The following ITPR2 variants were observed in gnomAD, a reference collection of about 807,000 sequenced individuals.
ITPR2 encodes the protein inositol 1,4,5-trisphosphate-gated calcium channel ITPR2.
Under a neutral mutation model 317.1 loss-of-function variants are expected in ITPR2, and 207 were observed. The observed-to-expected ratio is 0.65, with a 90% CI of 0.58 to 0.73. The LOEUF (loss-of-function observed/expected upper bound fraction) is 0.73, where lower values mean the gene tolerates loss of function less well. ITPR2 is among the 30% of genes least tolerant of loss of function. The pLI, the probability that ITPR2 is intolerant of heterozygous loss-of-function variation, is 0.00. For missense variants in ITPR2, 2,613 were observed against 3,284.0 expected (o/e 0.80, Z 4.99); for synonymous variants, 1,156 against 1,149.1 (o/e 1.01, Z -0.12).
intron 37 of ITPR2, among the ~76,000 whole-genome samples, chr12:26,539,273 A>G (rs1199103376): frequency 1.3e-5 from 2 of 152,204 alleles, no homozygotes; most frequent in Non-Finnish European, 2.9e-5. Context: ...GGAGAGCCTG[A>G]TGCTGCTTGA....
chr12:26,769,079 T>C (rs1287285106), intron 2 of ITPR2, among the ~76,000 whole-genome samples: 1 of 151,360 alleles, frequency 6.6e-6, no homozygotes, highest in Non-Finnish European at 1.5e-5. Flanking sequence ...ACTCAGTGGG[T>C]TCCTGGGGAG....
intron 37 of ITPR2, among the ~76,000 whole-genome samples, chr12:26,516,595 T>C (rs1458030152): frequency 6.6e-6 from 1 of 152,164 alleles, no homozygotes; most frequent in Non-Finnish European, 1.5e-5. Context: ...TCATGGATTA[T>C]ACAAACAAAT....
chr12:26,425,687 G>A (rs1158180476), intron 49 of ITPR2, among the ~76,000 whole-genome samples: 1 of 144,080 alleles, frequency 6.9e-6, no homozygotes, highest in Non-Finnish European at 1.5e-5. Context: ...AAAAAAAAAC[G>A]CTCTGAGCTG....
At chr12:26,704,656 A>G (rs1948517892) in intron 9 of ITPR2, among the ~76,000 whole-genome samples, 1 of 127,594 alleles carries the variant, frequency 7.8e-6, no homozygotes, top group South Asian at 2.4e-4. Context: ...TCCCCAAGAA[A>G]GCAAACAGAC....
Position 26,337,957 on chromosome 12 carries a change from AG to A in ITPR2, c.*1439del, listed in dbSNP as rs1436514467. The A allele has an allele frequency of 2.6e-5, 4 of 152,222 alleles. No individual in the cohort carries two copies. The highest frequency in any genetic ancestry group is 4.8e-5 in the African/African-American group (2 of 41,452). The allele number at this position is 152,222 out of a possible 1,614,324, so 9.4% of individuals were successfully genotyped here. ...TTAAGCTATGTTAGAACAATCCAAA[AG>A]CTTTAAAAATTGTCAGAGCAAACCC... is the stretch of plus-strand genomic sequence containing the variant. On this transcript the variant is annotated 3_prime_UTR_variant, in exon 57 of 57. Transcript: ENST00000381340.
intron 46 of ITPR2, among the ~76,000 whole-genome samples, chr12:26,441,985 T>A (rs140565535): frequency 4.7e-4 from 71 of 152,248 alleles, no homozygotes; most frequent in Middle Eastern, 3.4e-3. Flanking sequence ...TGTATCTATG[T>A]ATTTTCCAGT....
chr12:26,675,067 G>T lies in ITPR2; in HGVS notation c.1409+6807C>A, dbSNP rs1236176843. Among the ~76,000 whole-genome samples the T allele has an allele frequency of 2.0e-5, 3 of 151,798 alleles. No homozygotes were observed. The East Asian group carries it at 5.8e-4, about 29-fold the overall frequency. Reference sequence around the variant, plus strand: ...AAACAACAGGTGCTGGAGAGGATGTGGAGAAATAGGAACACTTTTACACTG... The same window carrying T: ...AAACAACAGGTGCTGGAGAGGATGTTGAGAAATAGGAACACTTTTACACTG... On this transcript the variant is annotated intron_variant, in intron 13 of 56. Coordinates refer to ENST00000381340, the MANE Select transcript of ITPR2 (RefSeq NM_002223.4).
At chr12:26,391,757 G>A (rs945619999) in intron 54 of ITPR2, among the ~76,000 whole-genome samples, 2 of 151,760 alleles carry the variant, frequency 1.3e-5, no homozygotes, top group African/African-American at 4.8e-5. Flanking sequence ...TAGAGATGGG[G>A]TTTCACCATG....
chr12:26,656,295 AC>A lies in ITPR2; in HGVS notation c.2444+1del. On this transcript the variant is annotated splice_donor_variant, in intron 19 of 56. Coordinates refer to ENST00000381340, the MANE Select transcript of ITPR2 (RefSeq NM_002223.4). LOFTEE classifies it high-confidence loss of function. ...AGCCTCAAGACCTTTTTCCAAACAT[AC>A]TCATGAATTGTGATCTTTGTGGGGA... The A allele has an allele frequency of 6.2e-7, 1 of 1,613,356 alleles. No homozygotes were observed. Among genetic ancestry groups the A allele is most frequent in the Non-Finnish European group, 8.5e-7 (1 of 1,179,594 alleles).
intron 39 of ITPR2, among the ~76,000 whole-genome samples, chr12:26,491,430 C>T (rs1210943458): frequency 2.2e-5 from 3 of 137,072 alleles, no homozygotes; most frequent in Non-Finnish European, 4.5e-5. Context: ...TTGCAGTGAG[C>T]CGAGATTACA....
chr12:26,408,677 C>T (rs1372235507), intron 52 of ITPR2, among the ~76,000 whole-genome samples: 3 of 152,146 alleles, frequency 2.0e-5, no homozygotes, highest in African/African-American at 7.2e-5. Flanking sequence ...TTTGTATACT[C>T]TGGAACAACA....
intron 37 of ITPR2, among the ~76,000 whole-genome samples, chr12:26,509,908 T>C (rs1943286220): frequency 1.4e-5 from 2 of 146,114 alleles, no homozygotes; most frequent in Admixed American, 1.4e-4. Flanking sequence ...GCCCTCATCT[T>C]CCTAAAAAAA....
intron 21 of ITPR2, among the ~76,000 whole-genome samples, chr12:26,652,808 G>A (rs1177807485): frequency 6.6e-6 from 1 of 152,180 alleles, no homozygotes; most frequent in Non-Finnish European, 1.5e-5. Flanking sequence ...AGCTCTGCCT[G>A]CACAGTCCTA....
chr12:26,807,609 G>A (rs757883465), intron 1 of ITPR2, among the ~76,000 whole-genome samples: 2 of 152,166 alleles, frequency 1.3e-5, no homozygotes, highest in Non-Finnish European at 2.9e-5. Flanking sequence ...TGCTCTCCTA[G>A]TTGTTGTCTT....
At chr12:26,663,959 A>C in intron 14 of ITPR2, 113 bp from the exon 15 acceptor site, 1 of 996,402 alleles carries the variant, frequency 1.0e-6, no homozygotes, top group Non-Finnish European at 1.4e-6. Flanking sequence ...TTTGAGTATT[A>C]GAGTAAACGG....
chr12:26,631,470 A>T (rs545669228), intron 22 of ITPR2, among the ~76,000 whole-genome samples: 2 of 152,252 alleles, frequency 1.3e-5, no homozygotes, highest in Non-Finnish European at 2.9e-5. Flanking sequence ...AGATATATGG[A>T]ATCACATGTT....
Position 26,715,798 on chromosome 12 carries a change from G to A in ITPR2, c.662C>T (p.Thr221Ile). 1 of 1,610,914 alleles carries A rather than the reference G, an allele frequency of 6.2e-7. No individual in the cohort carries two copies. Among genetic ancestry groups the A allele is most frequent in the Non-Finnish European group, 8.5e-7 (1 of 1,177,654 alleles). The change falls in exon 7 of 57, where the codon ACT (threonine) becomes ATT (isoleucine). Residue 221 changes from threonine to isoleucine, a missense_variant. Transcript: ENST00000381340. The stretch of plus-strand genomic sequence containing the variant: ...ATAGGAACTATATTTCATGAATAAA[G>A]TGATTTTCCAGCTGGTGTTGCAATT... ...AVNCNTSWKI[T>I]LFMKYSSYRE...
rs772398268 is a variant in ITPR2 at position 26,425,409 on chromosome 12, A to C, written c.6945+2504T>G. 5.9e-5 allele frequency among the ~76,000 whole-genome samples: 9 copies of C among 152,048 alleles called. No individual in the cohort carries two copies. In the East Asian group the frequency reaches 7.8e-4, roughly 13 times the overall value. On this transcript the variant is annotated intron_variant, in intron 49 of 56. Transcript: ENST00000381340. Reference sequence around the variant, plus strand: ...AGCGGCCAGGCGCAGTGGCTCACGCATGTAATCCCAGCACTTTGGGAGGCC... The same window carrying C: ...AGCGGCCAGGCGCAGTGGCTCACGCCTGTAATCCCAGCACTTTGGGAGGCC...
At chr12:26,533,484 C>T (rs1348254204) in intron 37 of ITPR2, among the ~76,000 whole-genome samples, 1 of 152,184 alleles carries the variant, frequency 6.6e-6, no homozygotes, top group African/African-American at 2.4e-5. Flanking sequence ...CACATCTCAT[C>T]TATGAAAAGA....
Sources: allele counts gnomAD v4.1 joint callset (sites outside exome capture counted in the v4.1 genomes callset), GRCh38; gene constraint gnomAD v4.1.1; transcripts MANE v1.5; gene names NCBI Gene and HGNC (gene_info 2026-07-23, HGNC 2026-07-21).